Variants in TTN observed in about 807,000 individuals in gnomAD.
TTN encodes connectin.
In TTN, 1,525 loss-of-function variants were observed where a neutral mutation model predicts 3,223.0. The observed-to-expected ratio is 0.47, with a 90% CI of 0.45 to 0.49. The LOEUF (loss-of-function observed/expected upper bound fraction) is 0.49, where lower values mean the gene tolerates loss of function less well. TTN is among the 20% of genes least tolerant of loss of function. TTN has a pLI of 0.00. For synonymous variants in TTN, 14,094 were observed against 15,161.0 expected (o/e 0.93, Z 5.17); for missense variants, 40,786 against 43,424.0 (o/e 0.94, Z 5.40).
Position 178,633,384 on chromosome 2 carries a change from G to T in TTN, c.42946+29C>A, listed in dbSNP as rs189147908. 2.4e-5 allele frequency: 38 copies of T among 1,613,042 alleles called. No homozygotes were observed. In the East Asian group the frequency reaches 8.3e-4, roughly 35 times the overall value. On this transcript the variant is annotated intron_variant, in intron 232 of 362. Transcript: ENST00000589042. ...ACTAATAAACTGCAGATTCAGATAG[G>T]GTAAATTTTACATTGTTGAGCAACT...
chr2:178,570,067 A>G lies in TTN; in HGVS notation c.76065T>C (p.His25355=). 1 of 1,613,432 alleles carries G rather than the reference A, an allele frequency of 6.2e-7. No individual in the cohort carries two copies. ...DKEGIRWTRC[H]KRLIGELRLR... The stretch of plus-strand genomic sequence containing the variant: ...GGCGCAACTCTCCAATCAGACGCTT[A>G]TGGCATCTTGTCCATCTAATGCCTT... Residue 25355 remains histidine (H), a synonymous_variant, in exon 326 of 363, where the codon CAT becomes CAC. Coordinates refer to ENST00000589042, the MANE Select transcript of TTN (RefSeq NM_001267550.2).
At position 178,704,934 on chromosome 2, in the gene TTN, G is replaced by C. The variant is rs375591605; in HGVS notation, c.29637C>G (p.Asp9879Glu). ...ATACAAGTTCCTCAAATTCCTTTTCGTCCCTCTCTGACCTCTCTATTTCCT... is the reference window on the plus strand; with the variant it reads ...ATACAAGTTCCTCAAATTCCTTTTCCTCCCTCTCTGACCTCTCTATTTCCT... ...EIEEIERSER[D>E]EKEFEELVSF... Residue 9879 changes from aspartate to glutamate, a missense_variant, in exon 104 of 363, where the codon GAC becomes GAG. By Grantham distance (45) the Asp-to-Glu change is conservative. Transcript: ENST00000589042. 4 of 1,612,672 alleles carry C rather than the reference G, an allele frequency of 2.5e-6. No homozygotes were observed. In the African/African-American group the frequency reaches 5.3e-5, roughly 22 times the overall value.
Position 178,566,116 on chromosome 2 carries a change from C to G in TTN, c.80016G>C (p.Lys26672Asn), listed in dbSNP as rs762254728. 4.3e-6 allele frequency: 7 copies of G among 1,613,628 alleles called. No individual in the cohort carries two copies. Among genetic ancestry groups the G allele is most frequent in the Non-Finnish European group, 5.9e-6 (7 of 1,179,660 alleles). ...ILKLENSSGS[K>N]SAFVTVKVLD... ...GAACTTTCACAGTTACAAAAGCAGA[C>G]TTTGATCCACTGCTGTTTTCCAACT... Residue 26672 changes from lysine to asparagine, a missense_variant, in exon 326 of 363, where the codon AAG becomes AAC. Physicochemically the swap from Lys to Asn is moderately conservative, Grantham distance 94. Transcript: ENST00000589042.
chr2:178,596,679 TG>T (rs2051722371), intron 294 of TTN, among the ~76,000 whole-genome samples: 1 of 152,092 alleles, frequency 6.6e-6, no homozygotes, highest in Admixed American at 6.5e-5. Flanking sequence ...TGAAAGTTTG[TG>T]GGGCTACTGC....
intron 3 of TTN, among the ~76,000 whole-genome samples, chr2:178,801,556 C>T (rs2094062714): frequency 6.6e-6 from 1 of 152,114 alleles, no homozygotes; most frequent in African/African-American, 2.4e-5. Flanking sequence ...CATGTAAAGG[C>T]ATGCAATATT....
In TTN at chr2:178,728,408, C is replaced by A; in HGVS notation, c.19427-11G>T. 6.3e-7 allele frequency: 1 copy of A among 1,588,410 alleles called. No homozygotes were observed. The highest frequency in any genetic ancestry group is 1.2e-5 in the South Asian group (1 of 86,932). ...GAGGAATATTTTGATCTGTCCAATG[C>A]AAACAGCAAAACACATCCATTAATC... On this transcript the variant is annotated splice_polypyrimidine_tract_variant and intron_variant, in intron 66 of 362. Coordinates refer to ENST00000589042, the MANE Select transcript of TTN (RefSeq NM_001267550.2).
chr2:178,591,651 C>T lies in TTN; in HGVS notation c.60168G>A (p.Val20056=). 1.9e-6 allele frequency: 3 copies of T among 1,613,440 alleles called. No homozygotes were observed. The highest frequency in any genetic ancestry group is 2.5e-6 in the Non-Finnish European group (3 of 1,179,566). Residue 20056 remains valine (V), a synonymous_variant, in exon 303 of 363, where the codon GTG becomes GTA. Coordinates refer to ENST00000589042, the MANE Select transcript of TTN (RefSeq NM_001267550.2). ...TAGTTGTGTCAGGGAGACCAAGACC[C>T]ACAATGTTTTCAGCTTTTACACGGA... ...YRFRVKAENI[V]GLGLPDTTIP...
intron 1 of TTN, 123 bp from the exon 2 acceptor site, chr2:178,804,778 G>C (rs1407524939): frequency 2.4e-6 from 2 of 838,580 alleles, no homozygotes; most frequent in African/African-American, 3.4e-5. Flanking sequence ...TGTGGGCCTA[G>C]AGTGATGGGC....
rs905688221 is a variant in TTN, at chr2:178,618,916, T to A, written c.46697-63A>T. 3.2e-6 allele frequency: 5 copies of A among 1,552,894 alleles called. No homozygotes were observed. The African/African-American group carries it at 6.9e-5, about 21-fold the overall frequency. On this transcript the variant is annotated intron_variant, in intron 250 of 362. Transcript: ENST00000589042. ...TAAACGTAGCCAAGCTACATCATGT[T>A]ATTATGCATTTATTAGAAAATATTG...
At chr2:178,695,250 G>A (rs1002087009) in intron 115 of TTN, 98 bp downstream of exon 115, 13 of 816,808 alleles carry the variant, frequency 1.6e-5, no homozygotes, top group Non-Finnish European at 2.4e-5. Flanking sequence ...AAGAAGTTGT[G>A]CCTATTGGAT....
chr2:178,750,012 C>T (rs1328673021), intron 47 of TTN: 29 of 1,613,028 alleles, frequency 1.8e-5, no homozygotes, highest in Non-Finnish European at 2.5e-5. Context: ...GCTTTAGGTT[C>T]CAGCTCCTCA....
intron 46 of TTN, among the ~76,000 whole-genome samples, chr2:178,755,369 A>G (rs2086634589): frequency 6.6e-6 from 1 of 152,132 alleles, no homozygotes; most frequent in Admixed American, 6.6e-5. Flanking sequence ...TTTATGGAGA[A>G]ATATCTAGAG....
At chr2:178,692,398 T>C (rs1258428004) in intron 120 of TTN, 99 bp downstream of exon 120, 4 of 1,085,024 alleles carry the variant, frequency 3.7e-6, no homozygotes, top group Non-Finnish European at 5.5e-6. Flanking sequence ...AAATATATTA[T>C]AGATGGTTTA....
rs754349287 is a variant in TTN at position 178,577,215 on chromosome 2, T to C, written c.69120A>G (p.Val23040=). 40 of 1,612,858 alleles carry C rather than the reference T, an allele frequency of 2.5e-5. No individual in the cohort carries two copies. The highest frequency in any genetic ancestry group is 3.1e-5 in the Non-Finnish European group (37 of 1,179,492). ...TTTCAACAGGACCTGGGGGACCAGG[T>C]ACATCAAGGACTGTTACCTTCACAT... ...VEHVKVTVLD[V]PGPPGPVEIS... is the part of the protein sequence containing the mutation. The change falls in exon 324 of 363, where the codon GTA becomes GTG. Residue 23040 remains valine, a synonymous_variant. Coordinates refer to ENST00000589042, the MANE Select transcript of TTN (RefSeq NM_001267550.2).
At position 178,587,351 on chromosome 2, in the gene TTN, C is replaced by T. The variant is rs747873668; in HGVS notation, c.63860G>A (p.Trp21287Ter). The change falls in exon 307 of 363, where the codon TGG becomes TAG. Residue 21287 changes from tryptophan (W) to a stop codon, truncating the protein, a stop_gained. Coordinates refer to ENST00000589042, the MANE Select transcript of TTN (RefSeq NM_001267550.2). LOFTEE classifies it high-confidence loss of function. ...DVTKTSCHVS[W>*]APPENDGGSQ... ...CCCACCGTCGTTTTCAGGAGGGGCC[C>T]AGGACACATGGCATGATGTTTTAGT... 6.2e-7 allele frequency: 1 copy of T among 1,612,474 alleles called. No individual in the cohort carries two copies. The highest frequency in any genetic ancestry group is 2.2e-5 in the East Asian group (1 of 44,536).
Position 178,636,334 on chromosome 2 carries a change from G to A in TTN, c.41329+64C>T. ...GAGGTTTTGTAAAACTACAATGCAA[G>A]TTGCTACTAAGGTTTGTTACATTAA... On this transcript the variant is annotated intron_variant, in intron 225 of 362. Transcript: ENST00000589042. This position sits in a 1 kb window ranked among gnomAD's most constrained non-coding sequence, Gnocchi z 4.3. 3 of 1,515,978 alleles carry A rather than the reference G, an allele frequency of 2.0e-6. No individual in the cohort carries two copies. In the South Asian group the frequency reaches 4.1e-5, roughly 20 times the overall value. 93.9% of individuals were successfully genotyped at this position (1,515,978 alleles called of 1,614,324 possible).
At chr2:178,598,146 T>A in intron 292 of TTN, 88 bp from the exon 293 acceptor site, 1 of 1,419,006 alleles carries the variant, frequency 7.0e-7, no homozygotes, top group Non-Finnish European at 9.6e-7. Flanking sequence ...ACCAGCAGCC[T>A]ATTTAACTGT....
At position 178,740,552 on chromosome 2, in the gene TTN, G is replaced by A. The variant is rs2082312081; in HGVS notation, c.12681C>T (p.Thr4227=). The change falls in exon 48 of 363, where the codon ACC becomes ACT. Residue 4227 remains threonine (T), a synonymous_variant. Coordinates refer to ENST00000589042, the MANE Select transcript of TTN (RefSeq NM_001267550.2). ...GTGAAAGTACTTCCTCAGCCACAGAGGTTAGATAAGAATGCATTGGAGGTT... is the reference window on the plus strand; with the variant it reads ...GTGAAAGTACTTCCTCAGCCACAGAAGTTAGATAAGAATGCATTGGAGGTT... The part of the protein sequence containing the change: ...SIEPPMHSYL[T]SVAEEVLSPK... 1.9e-6 allele frequency: 3 copies of A among 1,613,694 alleles called. No individual in the cohort carries two copies. Among genetic ancestry groups the A allele is most frequent in the South Asian group, 2.2e-5 (2 of 91,082 alleles).
At chr2:178,766,734 A>G in intron 40 of TTN, 122 bp from the exon 41 acceptor site, 1 of 764,742 alleles carries the variant, frequency 1.3e-6, no homozygotes, top group South Asian at 1.6e-5. Context: ...ATATATTATA[A>G]TGTAATAAGT....
Sources: allele counts gnomAD v4.1 joint callset (sites outside exome capture counted in the v4.1 genomes callset), GRCh38; gene constraint gnomAD v4.1.1; non-coding constraint Gnocchi (gnomAD v3.1); transcripts MANE v1.5; gene names NCBI Gene and HGNC (gene_info 2026-07-23, HGNC 2026-07-21).